The following WHRN variants were observed in gnomAD, a reference collection of about 807,000 sequenced individuals.
WHRN encodes CASK-interacting protein CIP98.
WHRN carries 41 observed loss-of-function variants against 68.3 expected under a neutral mutation model. That is an observed-to-expected ratio of 0.60 (90% confidence interval 0.47 to 0.78). The LOEUF (loss-of-function observed/expected upper bound fraction) is 0.78. Ranked by LOEUF, WHRN falls within the 30% of genes least tolerant of loss-of-function variation. The pLI is 0.00. For synonymous variants in WHRN, 560 were observed against 561.3 expected, an observed-to-expected ratio of 1.00 and a Z score of 0.03; for missense variants, 1,243 against 1,244.7, an observed-to-expected ratio of 1.00 and a Z score of 0.02.
In WHRN at chr9:114,504,650, C is replaced by T; in HGVS notation, c.152G>A (p.Ser51Asn). 1 of 1,606,314 alleles carries T rather than the reference C, an allele frequency of 6.2e-7. No homozygotes were observed. The highest frequency in any genetic ancestry group is 8.5e-7 in the Non-Finnish European group (1 of 1,177,494). The change falls in exon 1 of 12, where the codon AGC becomes AAC. Residue 51 changes from serine (S) to asparagine (N), a missense_variant. Transcript: ENST00000362057. ...QLHQALTALLSEAEREQFTHC... is the reference protein window; with the variant it reads ...QLHQALTALLNEAEREQFTHC... ...GGTGAACTGCTCCCGCTCCGCCTCG[C>T]TCAGCAGCGCGGTCAGCGCTTGGTG... is the stretch of plus-strand genomic sequence containing the variant.
chr9:114,459,707 G>A (rs545808664), intron 3 of WHRN, among the ~76,000 whole-genome samples: 1 of 152,344 alleles, frequency 6.6e-6, no homozygotes, highest in Admixed American at 6.5e-5. Context: ...TGATAGACCT[G>A]TAGAGCAGCA....
intron 9 of WHRN, among the ~76,000 whole-genome samples, chr9:114,404,461 A>G (rs1341650545): frequency 6.6e-6 from 1 of 152,272 alleles, no homozygotes; most frequent in Non-Finnish European, 1.5e-5. Context: ...CAACACATTC[A>G]AATTAGAAGA....
chr9:114,486,868 G>A, intron 1 of WHRN, among the ~76,000 whole-genome samples: 1 of 108,264 alleles, frequency 9.2e-6, no homozygotes, highest in Non-Finnish European at 2.1e-5. Flanking sequence ...TCACAGGGTA[G>A]TTCTGATGAT....
chr9:114,474,061 C>T (rs1055509421), intron 2 of WHRN, among the ~76,000 whole-genome samples: 1 of 152,154 alleles, frequency 6.6e-6, no homozygotes, highest in Non-Finnish European at 1.5e-5. Context: ...CACCCCTGGC[C>T]CTGTAAGCTG....
intron 2 of WHRN, among the ~76,000 whole-genome samples, chr9:114,470,060 A>G (rs1440514024): frequency 6.6e-6 from 1 of 152,178 alleles, no homozygotes; most frequent in Non-Finnish European, 1.5e-5. Context: ...CCCCCACGTC[A>G]AGACCATCAC....
chr9:114,403,234 T>G lies in WHRN; in HGVS notation c.2524A>C (p.Arg842=). ...GGACATACCTGAATAGTGACAATCC[T>G]AGGCAGGGGCTGGCGGGTGTTGGCG... ...GGANTRQPLP[R]IVTIQRGGSA... Residue 842 remains arginine (R), a synonymous_variant, in exon 11 of 12, where the codon AGG becomes CGG. Transcript: ENST00000362057. 1 of 1,614,118 alleles carries G rather than the reference T, an allele frequency of 6.2e-7. No homozygotes were observed. Among genetic ancestry groups the G allele is most frequent in the South Asian group, 1.1e-5 (1 of 91,082 alleles).
intron 2 of WHRN, among the ~76,000 whole-genome samples, chr9:114,477,104 A>G (rs998011608): frequency 7.2e-5 from 11 of 152,196 alleles, no homozygotes; most frequent in Non-Finnish European, 1.5e-4. Flanking sequence ...GCTGTGGTGC[A>G]TACCAACAAG....
At chr9:114,412,190 C>T (rs1164989701) in intron 7 of WHRN, among the ~76,000 whole-genome samples, 3 of 152,222 alleles carry the variant, frequency 2.0e-5, no homozygotes, top group African/African-American at 7.2e-5. Context: ...TCAGGAGTCC[C>T]AAGTCCCCGA....
intron 2 of WHRN, among the ~76,000 whole-genome samples, chr9:114,469,007 C>T (rs77005180): frequency 0.012 from 1,827 of 152,330 alleles, 41 homozygotes; most frequent in African/African-American, 0.042. Flanking sequence ...GGCCAAGTTG[C>T]TTCACCTCTC....
chr9:114,418,635 C>CT (rs1485079359), intron 7 of WHRN, among the ~76,000 whole-genome samples: 5 of 152,234 alleles, frequency 3.3e-5, no homozygotes, highest in Non-Finnish European at 5.9e-5. Flanking sequence ...CTGCTCTGGC[C>CT]TTATTGGCCG....
chr9:114,475,004 G>A (rs977338013), intron 2 of WHRN, among the ~76,000 whole-genome samples: 1 of 152,100 alleles, frequency 6.6e-6, no homozygotes, highest in African/African-American at 2.4e-5. Context: ...AGAATAACAG[G>A]TGCTGGCCAG....
chr9:114,423,072 C>T (rs1278087961), intron 7 of WHRN, among the ~76,000 whole-genome samples: 1 of 152,018 alleles, frequency 6.6e-6, no homozygotes, highest in Non-Finnish European at 1.5e-5. Flanking sequence ...ACTGCAAGCC[C>T]CAGGAGGCAG....
chr9:114,496,331 C>T (rs980568160), intron 1 of WHRN, among the ~76,000 whole-genome samples: 4 of 152,222 alleles, frequency 2.6e-5, no homozygotes, highest in Non-Finnish European at 4.4e-5. Context: ...TCTATTCAAC[C>T]ACCAGGCTTT....
rs750834235 is a variant in WHRN at position 114,403,249 on chromosome 9, G to A, written c.2509C>T (p.Arg837Cys). Reference protein sequence around the residue: ...GIAIEGGANTRQPLPRIVTIQ... With the variant: ...GIAIEGGANTCQPLPRIVTIQ... ...GTGACAATCCTAGGCAGGGGCTGGC[G>A]GGTGTTGGCGCCACCCTCGATGGCG... Residue 837 changes from arginine (R) to cysteine (C), a missense_variant, in exon 11 of 12, where the codon CGC becomes TGC. Coordinates refer to ENST00000362057, the MANE Select transcript of WHRN (RefSeq NM_015404.4). 29 of 1,614,036 alleles carry A rather than the reference G, an allele frequency of 1.8e-5. No individual in the cohort carries two copies. In the East Asian group the frequency reaches 3.1e-4, roughly 17 times the overall value.
At chr9:114,403,826 G>T in intron 10 of WHRN, 70 bp downstream of exon 10, 1 of 1,582,670 alleles carries the variant, frequency 6.3e-7, no homozygotes, top group Non-Finnish European at 8.6e-7. Flanking sequence ...CCCTGGTCCC[G>T]GGACCTCCCA....
chr9:114,428,218 C>T (rs996083433), intron 3 of WHRN, among the ~76,000 whole-genome samples: 4 of 151,916 alleles, frequency 2.6e-5, no homozygotes, highest in Non-Finnish European at 4.4e-5. Flanking sequence ...CCCAGCTACT[C>T]GGGAGGCTGA....
At chr9:114,457,952 A>T (rs1839947594) in intron 3 of WHRN, among the ~76,000 whole-genome samples, 1 of 152,054 alleles carries the variant, frequency 6.6e-6, no homozygotes. Context: ...GTTTAAGCAG[A>T]AAAAGGATTT....
intron 1 of WHRN, among the ~76,000 whole-genome samples, chr9:114,498,708 G>A (rs1002852505): frequency 3.9e-5 from 6 of 152,158 alleles, no homozygotes; most frequent in African/African-American, 1.2e-4. Context: ...TCTAGTAAGC[G>A]GACTGGCTGG....
intron 3 of WHRN, among the ~76,000 whole-genome samples, chr9:114,449,795 C>T (rs1839161569): frequency 6.6e-6 from 1 of 152,196 alleles, no homozygotes; most frequent in Non-Finnish European, 1.5e-5. Context: ...GCAGATCAGT[C>T]TTGCCACAAG....
Sources: gnomAD v4.1 joint callset for allele counts (sites outside exome capture counted in the v4.1 genomes callset) on GRCh38, gnomAD v4.1.1 for gene constraint, MANE v1.5 for transcripts, NCBI Gene and HGNC (gene_info 2026-07-23, HGNC 2026-07-21) for gene names.